TIMM23: variants seen among roughly 807,000 people sequenced by gnomAD.
TIMM23 encodes translocase of inner mitochondrial membrane 23.
A neutral mutation model predicts 30.7 loss-of-function variants in TIMM23; 19 were observed. The ratio of observed to expected loss-of-function variants is 0.62; its 90% CI spans 0.43 to 0.91. TIMM23 has a LOEUF of 0.91. TIMM23 is among the 40% of genes least tolerant of loss of function. The pLI is 0.00. For synonymous variants in TIMM23, 78 were observed against 98.5 expected (o/e 0.79, Z 1.23); for missense variants, 202 against 269.2 (o/e 0.75, Z 1.75).
At chr10:45,982,379 A>C in intron 2 of TIMM23, 144 bp from the exon 3 acceptor site, 2 of 728,030 alleles carry the variant, frequency 2.7e-6, no homozygotes, top group Non-Finnish European at 4.6e-6. Context: ...TGCTGCAGAA[A>C]GTTTTATTTT....
At chr10:45,978,265 A>T (rs1837737772) in intron 2 of TIMM23, among the ~76,000 whole-genome samples, 1 of 152,146 alleles carries the variant, frequency 6.6e-6, no homozygotes, top group South Asian at 2.1e-4. Context: ...AGGTGGGAGG[A>T]TCACTTGAGT....
At chr10:45,985,342 A>G in intron 4 of TIMM23, 41 bp from the exon 5 acceptor site, 1 of 1,612,026 alleles carries the variant, frequency 6.2e-7, no homozygotes, top group Non-Finnish European at 8.5e-7. Flanking sequence ...TAGAGAAATA[A>G]TGATTCTAAA....
chr10:45,974,630 CAG>C (rs1837610384), intron 1 of TIMM23, among the ~76,000 whole-genome samples: 1 of 152,210 alleles, frequency 6.6e-6, no homozygotes, highest in Admixed American at 6.5e-5. Context: ...GCTATGTAGA[CAG>C]TGAATTGAAG....
At chr10:45,989,336 T>G (rs1205766552) in intron 6 of TIMM23, among the ~76,000 whole-genome samples, 1 of 152,208 alleles carries the variant, frequency 6.6e-6, no homozygotes, top group African/African-American at 2.4e-5. Flanking sequence ...TAAATAATAT[T>G]CATTCTGTGT....
chr10:46,003,465 C>G lies in TIMM23; in HGVS notation c.*147C>G. On this transcript the variant is annotated 3_prime_UTR_variant, in exon 7 of 7. Coordinates refer to ENST00000580018, the MANE Select transcript of TIMM23 (RefSeq NM_006327.4). ...TTGCTGTGATGAAAATCCTGGATGGCTGACCAAGACTGGCACTTGTTCCAG... is the reference window on the plus strand; with the variant it reads ...TTGCTGTGATGAAAATCCTGGATGGGTGACCAAGACTGGCACTTGTTCCAG... 5.0e-6 allele frequency: 3 copies of G among 594,078 alleles called. No individual in the cohort carries two copies. The South Asian group carries it at 6.3e-5, about 12-fold the overall frequency. 36.8% of individuals were successfully genotyped at this position (594,078 alleles called of 1,614,324 possible).
At chr10:45,994,691 C>T (rs1838275760) in intron 6 of TIMM23, among the ~76,000 whole-genome samples, 5 of 140,464 alleles carry the variant, frequency 3.6e-5, no homozygotes. Flanking sequence ...ATCCACCCTG[C>T]CTTGGCCTCC....
chr10:45,994,339 A>T (rs1281071046), intron 6 of TIMM23, among the ~76,000 whole-genome samples: 4,951 of 151,494 alleles, frequency 0.033, 252 homozygotes, highest in African/African-American at 0.11. Context: ...ACTCTGTCTC[A>T]AAAAAATAAA....
At chr10:45,980,190 T>G (rs2132250704) in intron 2 of TIMM23, among the ~76,000 whole-genome samples, 1 of 151,378 alleles carries the variant, frequency 6.6e-6, no homozygotes, top group South Asian at 2.1e-4. Flanking sequence ...TTTATACTTT[T>G]GAAGGTTAGA....
chr10:45,975,670 T>G (rs1837653484), intron 2 of TIMM23, among the ~76,000 whole-genome samples, 158 bp downstream of exon 2: 1 of 152,184 alleles, frequency 6.6e-6, no homozygotes, highest in African/African-American at 2.4e-5. Flanking sequence ...GAGCTTGGCC[T>G]GCATCTCTCT....
intron 2 of TIMM23, among the ~76,000 whole-genome samples, chr10:45,977,612 A>G (rs1837713039): frequency 6.6e-6 from 1 of 152,258 alleles, no homozygotes; most frequent in African/African-American, 2.4e-5. Context: ...TCATGGGCAC[A>G]AGTAGTTGTG....
Position 45,982,859 on chromosome 10 carries a change from T to G in TIMM23, c.273T>G (p.Gly91=), listed in dbSNP as rs61849497. Residue 91 remains glycine (G), a synonymous_variant, in exon 4 of 7, where the codon GGT becomes GGG. Coordinates refer to ENST00000580018, the MANE Select transcript of TIMM23 (RefSeq NM_006327.4). Reference sequence around the variant, plus strand: ...ATGATTTACCAGGGGCTGCGTTTGGTGCAATGAATGGTCTTCGGCTAGGAT... The same window carrying G: ...ATGATTTACCAGGGGCTGCGTTTGGGGCAATGAATGGTCTTCGGCTAGGAT... ...GGCCMTGAAF[G]AMNGLRLGLK... 1.2e-6 allele frequency: 2 copies of G among 1,613,796 alleles called. No individual in the cohort carries two copies. The highest frequency in any genetic ancestry group is 1.7e-6 in the Non-Finnish European group (2 of 1,179,870).
rs4247661 is a variant in TIMM23, at chr10:45,973,781, C to A, written c.106+1051C>A. 6.1e-3 allele frequency among the ~76,000 whole-genome samples: 925 copies of A among 151,624 alleles called. 5 individuals carry two copies. Among genetic ancestry groups the A allele is most frequent in the Middle Eastern group, 0.034 (10 of 290 alleles). ...CTCTAAGCCTCCTAAGTAGCTGGGA[C>A]TCTAGGTACGTACCACCACGCCTGG... On this transcript the variant is annotated intron_variant, in intron 1 of 6. Transcript: ENST00000580018.
intron 6 of TIMM23, among the ~76,000 whole-genome samples, chr10:45,994,936 T>G: frequency 6.6e-6 from 1 of 152,226 alleles, no homozygotes; most frequent in South Asian, 2.1e-4. Flanking sequence ...AATTTATGTC[T>G]GTGCCCTGTC....
chr10:45,973,880 C>G (rs1362766901), intron 1 of TIMM23, among the ~76,000 whole-genome samples: 2 of 151,436 alleles, frequency 1.3e-5, no homozygotes, highest in Admixed American at 1.3e-4. Flanking sequence ...CTCAAACTCT[C>G]GAACTCAGGC....
intron 2 of TIMM23, among the ~76,000 whole-genome samples, chr10:45,981,648 G>C (rs1322823082): frequency 6.6e-6 from 1 of 152,122 alleles, no homozygotes; most frequent in African/African-American, 2.4e-5. Flanking sequence ...TTGCCACAAG[G>C]ATGTAGGAGA....
At chr10:45,976,552 A>G (rs1554913156) in intron 2 of TIMM23, among the ~76,000 whole-genome samples, 1 of 152,156 alleles carries the variant, frequency 6.6e-6, no homozygotes, top group African/African-American at 2.4e-5. Context: ...CAAAGGTTGC[A>G]GTGAGCTGAG....
intron 6 of TIMM23, among the ~76,000 whole-genome samples, chr10:45,993,378 G>C (rs587739184): frequency 2.0e-5 from 3 of 151,084 alleles, no homozygotes; most frequent in East Asian, 2.0e-4. Context: ...TCATCCTCCC[G>C]AGTAGCTGGA....
intron 6 of TIMM23, among the ~76,000 whole-genome samples, chr10:45,989,652 T>C (rs1838097643): frequency 6.6e-6 from 1 of 152,216 alleles, no homozygotes; most frequent in Non-Finnish European, 1.5e-5. Context: ...TTTTAAACAA[T>C]AGTTTGACCT....
At chr10:45,995,225 A>G (rs1322475719) in intron 6 of TIMM23, among the ~76,000 whole-genome samples, 1 of 151,966 alleles carries the variant, frequency 6.6e-6, no homozygotes, top group African/African-American at 2.4e-5. Flanking sequence ...TTATGTTACT[A>G]CTGCAAGAAG....
Sources: allele counts gnomAD v4.1 joint callset (sites outside exome capture counted in the v4.1 genomes callset), GRCh38; gene constraint gnomAD v4.1.1; transcripts MANE v1.5; gene names NCBI Gene and HGNC (gene_info 2026-07-23, HGNC 2026-07-21).